The following GREB1L variants were observed in gnomAD, a reference collection of about 807,000 sequenced individuals.
The protein encoded by GREB1L is GREB1-like protein.
Under a neutral mutation model 200.8 loss-of-function variants are expected in GREB1L, and 17 were observed. The ratio of observed to expected loss-of-function variants is 0.08; its 90% CI spans 0.06 to 0.13. The LOEUF is 0.13. Ranked by LOEUF, GREB1L falls within the 10% of genes least tolerant of loss-of-function variation. GREB1L has a pLI of 1.00. For synonymous variants in GREB1L, 789 were observed against 893.0 expected, an observed-to-expected ratio of 0.88 and a Z score of 2.08; for missense variants, 1,657 against 2,367.7, an observed-to-expected ratio of 0.70 and a Z score of 6.23.
rs2037667004 is a variant in GREB1L, at chr18:21,525,341, TTG to T, written c.*2522_*2523del. The T allele has an allele frequency of 6.6e-6, 1 of 152,222 alleles. No homozygotes were observed. The highest frequency in any genetic ancestry group is 2.4e-5 in the African/African-American group (1 of 41,470). The allele number at this position is 152,222 out of a possible 1,614,324, so 9.4% of individuals were successfully genotyped here. ...CTCACATTTTGTTAATGATTCAAAATTGTCTTGTGTCTACTGTTATATTTTTG... is the reference window on the plus strand; with the variant it reads ...CTCACATTTTGTTAATGATTCAAAATTCTTGTGTCTACTGTTATATTTTTG... On this transcript the variant is annotated 3_prime_UTR_variant, in exon 33 of 33. Transcript: ENST00000424526.
At chr18:21,288,889 C>G (rs1429807286) in intron 1 of GREB1L, among the ~76,000 whole-genome samples, 3 of 152,112 alleles carry the variant, frequency 2.0e-5, no homozygotes, top group Non-Finnish European at 4.4e-5. Flanking sequence ...AGGCGCCCAC[C>G]ACCACGCCCA....
chr18:21,470,069 G>C (rs539587729), intron 15 of GREB1L, among the ~76,000 whole-genome samples: 41 of 152,170 alleles, frequency 2.7e-4, no homozygotes, highest in South Asian at 6.2e-4. Context: ...AGGACTGCTT[G>C]AGGCCAGGGG....
intron 1 of GREB1L, among the ~76,000 whole-genome samples, chr18:21,294,954 G>A (rs1298354293): frequency 6.6e-6 from 1 of 152,110 alleles, no homozygotes; most frequent in African/African-American, 2.4e-5. Context: ...CCCTTGGTAT[G>A]TGTCCCATGA....
At chr18:21,518,690 G>A (rs2037509010) in intron 31 of GREB1L, among the ~76,000 whole-genome samples, 1 of 152,202 alleles carries the variant, frequency 6.6e-6, no homozygotes, top group Admixed American at 6.5e-5. Flanking sequence ...CGTAAGAGGA[G>A]CTCAGTGATT....
At position 21,439,573 on chromosome 18, in the gene GREB1L, C is replaced by T. The variant is rs2033776350; in HGVS notation, c.885C>T (p.Ser295=). ...GAGGGAAGGGCAGTGCATCCAGCTCCACTCCAGCCCACACAGGGAATTACT... is the reference window on the plus strand; with the variant it reads ...GAGGGAAGGGCAGTGCATCCAGCTCTACTCCAGCCCACACAGGGAATTACT... ...SHGGKGSASS[S]TPAHTGNYSL... Residue 295 remains serine (S), a synonymous_variant, in exon 8 of 33, where the codon TCC becomes TCT. Coordinates refer to ENST00000424526, the MANE Select transcript of GREB1L (RefSeq NM_001142966.3). 6.4e-7 allele frequency: 1 copy of T among 1,551,954 alleles called. No homozygotes were observed. Among genetic ancestry groups the T allele is most frequent in the African/African-American group, 1.4e-5 (1 of 73,146 alleles).
intron 15 of GREB1L, among the ~76,000 whole-genome samples, chr18:21,455,851 A>G (rs370485011): frequency 4.1e-5 from 6 of 146,094 alleles, no homozygotes; most frequent in East Asian, 4.0e-4. Flanking sequence ...TAAAATGCAG[A>G]TTCCACTTCA....
chr18:21,455,275 A>G (rs1342847392), intron 15 of GREB1L: 2 of 152,232 alleles, frequency 1.3e-5, no homozygotes, highest in Non-Finnish European at 2.9e-5. Flanking sequence ...TTTGAAAACG[A>G]AATTATAAAT....
At chr18:21,323,236 C>T (rs2038976422) in intron 1 of GREB1L, among the ~76,000 whole-genome samples, 1 of 151,774 alleles carries the variant, frequency 6.6e-6, no homozygotes, top group Admixed American at 6.6e-5. Flanking sequence ...TGCAGTGAGC[C>T]GAGATTGCAC....
At chr18:21,399,809 A>G (rs149537463) in intron 5 of GREB1L, among the ~76,000 whole-genome samples, 6 of 152,208 alleles carry the variant, frequency 3.9e-5, no homozygotes, top group Non-Finnish European at 1.5e-5. Context: ...CTCAATAAAT[A>G]GTTGTTGATT....
chr18:21,436,914 T>A (rs947892817), intron 7 of GREB1L, among the ~76,000 whole-genome samples: 1 of 152,010 alleles, frequency 6.6e-6, no homozygotes, highest in Non-Finnish European at 1.5e-5. Flanking sequence ...TTTCGCTATG[T>A]TGTCTAGGCT....
At chr18:21,353,643 G>A (rs1353941229) in intron 1 of GREB1L, among the ~76,000 whole-genome samples, 2 of 152,062 alleles carry the variant, frequency 1.3e-5, no homozygotes, top group Non-Finnish European at 2.9e-5. Context: ...GGTAATATAT[G>A]TGATATATAT....
At chr18:21,444,601 C>T (rs2145317810) in intron 11 of GREB1L, among the ~76,000 whole-genome samples, 192 bp downstream of exon 11, 2 of 152,116 alleles carry the variant, frequency 1.3e-5, no homozygotes, top group Admixed American at 1.3e-4. Flanking sequence ...TACTCCTTTC[C>T]TTTCCTCTTC....
At chr18:21,387,862 A>C (rs1283808996) in intron 4 of GREB1L, among the ~76,000 whole-genome samples, 4 of 152,222 alleles carry the variant, frequency 2.6e-5, no homozygotes, top group African/African-American at 9.6e-5. Context: ...ACAGACATAC[A>C]CAGCTTATTT....
intron 1 of GREB1L, among the ~76,000 whole-genome samples, chr18:21,250,153 G>A (rs1322173351): frequency 1.3e-5 from 2 of 152,172 alleles, no homozygotes; most frequent in Non-Finnish European, 2.9e-5. Flanking sequence ...GGAGCAGATG[G>A]GGAGAGGTAA....
rs2037934897 is a variant in GREB1L, at chr18:21,264,368, G to A, written c.-120+21975G>A. Among the ~76,000 whole-genome samples the A allele has an allele frequency of 4.0e-5, 6 of 151,484 alleles. No homozygotes were observed. The South Asian group carries it at 1.3e-3, about 32-fold the overall frequency. ...ATAATTGTTGTTCCTCTTCTCTTTT[G>A]GATCACTTTAATCTACTCCTTACTC... On this transcript the variant is annotated intron_variant, in intron 1 of 32. Coordinates refer to ENST00000424526, the MANE Select transcript of GREB1L (RefSeq NM_001142966.3).
intron 1 of GREB1L, among the ~76,000 whole-genome samples, chr18:21,317,964 C>T (rs942164334): frequency 4.6e-5 from 7 of 151,856 alleles, no homozygotes; most frequent in Non-Finnish European, 8.8e-5. Flanking sequence ...AAAAATTAGC[C>T]GGGTATGGTG....
At chr18:21,325,518 A>G (rs2039008921) in intron 1 of GREB1L, among the ~76,000 whole-genome samples, 1 of 152,026 alleles carries the variant, frequency 6.6e-6, no homozygotes, top group Non-Finnish European at 1.5e-5. Flanking sequence ...CATTTAGTAA[A>G]TTATAATAAA....
chr18:21,400,352 A>T (rs990015100), intron 5 of GREB1L, among the ~76,000 whole-genome samples: 1 of 152,184 alleles, frequency 6.6e-6, no homozygotes, highest in African/African-American at 2.4e-5. Flanking sequence ...ATTAGATCTA[A>T]AGGAATAAGA....
chr18:21,389,398 C>CT lies in GREB1L; in HGVS notation c.355+5007dup, dbSNP rs11302945. Among the ~76,000 whole-genome samples the CT allele has an allele frequency of 4.4e-4, 55 of 126,230 alleles. 1 individual carries two copies. Among genetic ancestry groups the CT allele is most frequent in the South Asian group, 1.5e-3 (6 of 3,916 alleles). The allele number at this position is 126,230 out of a possible 152,430, so 82.8% of individuals were successfully genotyped here. On this transcript the variant is annotated intron_variant, in intron 4 of 32. Transcript: ENST00000424526. The stretch of plus-strand genomic sequence containing the variant: ...TTTCACGGGCACAGGAACCTCTTGA[C>CT]TTTTTTTTTTTTAAGGGAAGGAGGT...
Sources: allele counts gnomAD v4.1 joint callset (sites outside exome capture counted in the v4.1 genomes callset), GRCh38; gene constraint gnomAD v4.1.1; transcripts MANE v1.5; gene names NCBI Gene and HGNC (gene_info 2026-07-23, HGNC 2026-07-21).